SFMBT1: variants seen among roughly 807,000 people sequenced by gnomAD.
SFMBT1 encodes Scm like with four mbt domains 1, also known as scm-like with four MBT domains protein 1.
In SFMBT1, 32 loss-of-function variants were observed where a neutral mutation model predicts 108.7. The observed-to-expected ratio is 0.29, with a 90% CI of 0.22 to 0.40. SFMBT1 has a LOEUF of 0.40. Ranked by LOEUF, SFMBT1 falls within the 10% of genes least tolerant of loss-of-function variation. The probability of loss-of-function intolerance (pLI) is 1.00; values close to 1 mark genes in which losing one functional copy is unlikely to be tolerated. For synonymous variants in SFMBT1, 348 were observed against 369.5 expected, an observed-to-expected ratio of 0.94 and a Z score of 0.67; for missense variants, 816 against 1,059.6, an observed-to-expected ratio of 0.77 and a Z score of 3.19.
At chr3:52,910,001 C>T (rs1575365108) in intron 17 of SFMBT1, among the ~76,000 whole-genome samples, 1 of 152,140 alleles carries the variant, frequency 6.6e-6, no homozygotes, top group Non-Finnish European at 1.5e-5. Flanking sequence ...GATGCCCCCT[C>T]CCCAGAACAC....
intron 1 of SFMBT1, among the ~76,000 whole-genome samples, chr3:52,978,751 T>A (rs1704607957): frequency 6.6e-6 from 1 of 152,178 alleles, no homozygotes; most frequent in Non-Finnish European, 1.5e-5. Context: ...ATGTAATATA[T>A]CTAATATAAT....
chr3:52,964,355 A>T (rs1451280746), intron 2 of SFMBT1, among the ~76,000 whole-genome samples: 1 of 152,002 alleles, frequency 6.6e-6, no homozygotes, highest in Non-Finnish European at 1.5e-5. Flanking sequence ...ATCTCTACAA[A>T]AATTAAAAAA....
At chr3:52,966,641 A>G (rs1487055812) in intron 2 of SFMBT1, among the ~76,000 whole-genome samples, 2 of 150,596 alleles carry the variant, frequency 1.3e-5, no homozygotes, top group Non-Finnish European at 3.0e-5. Flanking sequence ...AAAAAAAAAA[A>G]AAAAAAGACT....
intron 8 of SFMBT1, among the ~76,000 whole-genome samples, chr3:52,928,767 C>T (rs2106792241): frequency 6.6e-6 from 1 of 151,282 alleles, no homozygotes; most frequent in East Asian, 1.9e-4. Context: ...ATGAATTTGG[C>T]TCACCGAAGC....
chr3:52,954,373 C>T lies in SFMBT1; in HGVS notation c.67G>A (p.Glu23Lys), dbSNP rs1441354408. ...SGMEEVELSW[E>K]DYLEETGSTA... ...GACCCTGTTTCTTCTAGATAATCTT[C>T]CCAGCTTAATTCTACCTCTTCCATA... is the stretch of plus-strand genomic sequence containing the variant. The change falls in exon 3 of 21, where the codon GAA becomes AAA. Residue 23 changes from glutamate to lysine, a missense_variant. Transcript: ENST00000394752. 6.2e-7 allele frequency: 1 copy of T among 1,613,840 alleles called. No individual in the cohort carries two copies. The highest frequency in any genetic ancestry group is 8.5e-7 in the Non-Finnish European group (1 of 1,179,918).
chr3:52,944,130 C>CA (rs1177222100), intron 3 of SFMBT1, among the ~76,000 whole-genome samples: 1 of 152,106 alleles, frequency 6.6e-6, no homozygotes, highest in African/African-American at 2.4e-5. Context: ...TTAGATGAAA[C>CA]ATTATATGGT....
chr3:52,957,484 C>G (rs1267906263), intron 2 of SFMBT1, among the ~76,000 whole-genome samples: 2 of 152,018 alleles, frequency 1.3e-5, no homozygotes, highest in Non-Finnish European at 2.9e-5. Flanking sequence ...TCACAGGAAA[C>G]CAAAAAAGAG....
In SFMBT1 at chr3:52,947,192, A is replaced by G. The variant is rs530209174; in HGVS notation, c.124-3599T>C. Among the ~76,000 whole-genome samples, 9 of 147,504 alleles carry G rather than the reference A, an allele frequency of 6.1e-5. No individual in the cohort carries two copies. In the East Asian group the frequency reaches 1.8e-3, roughly 29 times the overall value. ...GAGTGCAGTGGCGTCATCTCTGCTC[A>G]CTGCAAGCTCCGCCTCCCAGGTTCA... On this transcript the variant is annotated intron_variant, in intron 3 of 20. Transcript: ENST00000394752.
rs1169600645 is a variant in SFMBT1 at position 52,912,529 on chromosome 3, T to C, written c.1730+9A>G. 4 of 1,607,478 alleles carry C rather than the reference T, an allele frequency of 2.5e-6. No individual in the cohort carries two copies. The highest frequency in any genetic ancestry group is 3.4e-6 in the Non-Finnish European group (4 of 1,173,876). On this transcript the variant is annotated intron_variant, in intron 16 of 20. Coordinates refer to ENST00000394752, the MANE Select transcript of SFMBT1 (RefSeq NM_016329.4). ...AAAAGTAAAGAGTAAAAACAAGTAG[T>C]CCACTCACTTGGCTTTTAGGACTTC...
chr3:52,936,480 T>C (rs915050083), intron 4 of SFMBT1, among the ~76,000 whole-genome samples: 2 of 150,412 alleles, frequency 1.3e-5, no homozygotes, highest in South Asian at 4.2e-4. Context: ...TTACAGCTGT[T>C]GTCCTTACGA....
chr3:52,997,733 A>G (rs1698388569), intron 1 of SFMBT1, among the ~76,000 whole-genome samples: 1 of 150,416 alleles, frequency 6.6e-6, no homozygotes, highest in Non-Finnish European at 1.5e-5. Flanking sequence ...GTTTCCCAGA[A>G]TCAGGATGCA....
At chr3:53,032,208 A>T (rs1302724030) in intron 1 of SFMBT1, among the ~76,000 whole-genome samples, 1 of 152,154 alleles carries the variant, frequency 6.6e-6, no homozygotes, top group Non-Finnish European at 1.5e-5. Flanking sequence ...TATCTCTACT[A>T]AAAATATAAA....
intron 9 of SFMBT1, among the ~76,000 whole-genome samples, chr3:52,927,025 C>T (rs1702679759): frequency 6.6e-6 from 1 of 152,170 alleles, no homozygotes; most frequent in Non-Finnish European, 1.5e-5. Context: ...GTTGATTTGT[C>T]TATAACAACA....
intron 1 of SFMBT1, among the ~76,000 whole-genome samples, chr3:53,028,378 C>T (rs866597024): frequency 1.3e-5 from 2 of 152,294 alleles, no homozygotes; most frequent in South Asian, 2.1e-4. Context: ...CACCATGCCT[C>T]GCTTTCAGAC....
At chr3:52,960,974 A>G (rs1005127593) in intron 2 of SFMBT1, among the ~76,000 whole-genome samples, 5 of 152,162 alleles carry the variant, frequency 3.3e-5, no homozygotes, top group South Asian at 2.1e-4. Flanking sequence ...CGTGTCTACA[A>G]AAATATTTTT....
intron 1 of SFMBT1, among the ~76,000 whole-genome samples, chr3:53,009,476 A>C (rs1698869780): frequency 6.6e-6 from 1 of 152,174 alleles, no homozygotes; most frequent in Non-Finnish European, 1.5e-5. Flanking sequence ...TTTGAACAAC[A>C]AAAGTTGTTA....
chr3:53,007,673 A>C (rs1389612611), intron 1 of SFMBT1, among the ~76,000 whole-genome samples: 3 of 152,264 alleles, frequency 2.0e-5, no homozygotes, highest in African/African-American at 4.8e-5. Context: ...ACATGAGTTC[A>C]TATTGATATA....
At chr3:53,027,293 C>A (rs369363466) in intron 1 of SFMBT1, among the ~76,000 whole-genome samples, 1 of 152,176 alleles carries the variant, frequency 6.6e-6, no homozygotes, top group African/African-American at 2.4e-5. Flanking sequence ...CCCATTCCCC[C>A]ACCCCCGTTA....
At chr3:52,910,858 C>CA in intron 17 of SFMBT1, 145 bp downstream of exon 17, 1 of 665,864 alleles carries the variant, frequency 1.5e-6, no homozygotes, top group South Asian at 1.9e-5. Flanking sequence ...ATATGACCCA[C>CA]AACATGAAAT....
Sources: allele counts gnomAD v4.1 joint callset (sites outside exome capture counted in the v4.1 genomes callset), GRCh38; gene constraint gnomAD v4.1.1; transcripts MANE v1.5; gene names NCBI Gene and HGNC (gene_info 2026-07-23, HGNC 2026-07-21).